PIBF1: variants seen among roughly 807,000 people sequenced by gnomAD.
PIBF1 encodes progesterone immunomodulatory binding factor 1.
A neutral mutation model predicts 112.5 loss-of-function variants in PIBF1; 90 were observed. The ratio of observed to expected loss-of-function variants is 0.80; its 90% CI spans 0.67 to 0.95. PIBF1 has a LOEUF of 0.95. Among genes scored for constraint, PIBF1 ranks in the 40% least tolerant of loss-of-function variants. PIBF1 has a pLI of 0.00. For synonymous variants in PIBF1, 301 were observed against 288.6 expected, an observed-to-expected ratio of 1.04 and a Z score of -0.44; for missense variants, 915 against 852.3, an observed-to-expected ratio of 1.07 and a Z score of -0.92.
intron 16 of PIBF1, among the ~76,000 whole-genome samples, chr13:72,982,371 G>A (rs979773220): frequency 6.6e-6 from 1 of 152,102 alleles, no homozygotes; most frequent in Non-Finnish European, 1.5e-5. Flanking sequence ...GAGAGGTTGA[G>A]GCTGCAGTGA....
chr13:72,834,427 C>A (rs1029829558), intron 8 of PIBF1, among the ~76,000 whole-genome samples: 1 of 152,038 alleles, frequency 6.6e-6, no homozygotes, highest in Non-Finnish European at 1.5e-5. Context: ...AAGTTTGAGA[C>A]CAGCCTGGGC....
chr13:72,784,275 T>TC (rs2034469242), intron 2 of PIBF1, among the ~76,000 whole-genome samples: 2 of 123,972 alleles, frequency 1.6e-5, no homozygotes, highest in African/African-American at 6.2e-5. Context: ...CAGCTCTACT[T>TC]AAAAAAAAAA....
chr13:72,825,138 A>C (rs1160325582), intron 6 of PIBF1, among the ~76,000 whole-genome samples: 1 of 152,240 alleles, frequency 6.6e-6, no homozygotes, highest in Non-Finnish European at 1.5e-5. Context: ...TGATGATAAT[A>C]GATCCTTGGA....
chr13:72,853,920 A>C, intron 9 of PIBF1, 137 bp from the exon 10 acceptor site: 1 of 622,890 alleles, frequency 1.6e-6, no homozygotes, highest in East Asian at 2.8e-5. Flanking sequence ...AACCAAGCCA[A>C]GCAGGTTTAT....
At chr13:72,809,758 T>G (rs771450781) in intron 5 of PIBF1, among the ~76,000 whole-genome samples, 1 of 151,806 alleles carries the variant, frequency 6.6e-6, no homozygotes, top group Non-Finnish European at 1.5e-5. Flanking sequence ...CCTGGCTAAT[T>G]TTTGTATTTT....
chr13:72,820,745 A>T (rs2036520278), intron 5 of PIBF1, among the ~76,000 whole-genome samples: 2 of 152,282 alleles, frequency 1.3e-5, no homozygotes, highest in East Asian at 3.9e-4. Context: ...CTTAAGCAGT[A>T]ATGACTTAAC....
At chr13:72,816,270 G>A (rs1377853789) in intron 5 of PIBF1, among the ~76,000 whole-genome samples, 1 of 152,214 alleles carries the variant, frequency 6.6e-6, no homozygotes, top group African/African-American at 2.4e-5. Flanking sequence ...AGAGCAAAAA[G>A]TAGGAGAGAC....
intron 15 of PIBF1, chr13:72,970,500 T>G (rs771318467): frequency 7.2e-5 from 11 of 152,198 alleles, no homozygotes; most frequent in Non-Finnish European, 2.9e-5. Context: ...TCCCAGAGTG[T>G]ATTGATCCAG....
intron 9 of PIBF1, chr13:72,836,212 A>G (rs1176733156): frequency 1.1e-5 from 4 of 380,038 alleles, no homozygotes; most frequent in Non-Finnish European, 2.1e-5. Flanking sequence ...AATAAATACT[A>G]TTTATTTCAA....
In PIBF1 at chr13:72,812,784, C is replaced by CA. The variant is rs907435967; in HGVS notation, c.673-9055dup. On this transcript the variant is annotated intron_variant, in intron 5 of 17. Transcript: ENST00000326291. The stretch of plus-strand genomic sequence containing the variant: ...AATGAGACCCTGTCTCAAAAAACTA[C>CA]AAAAAAAAAACCCCAAAACAAAAAC... Among the ~76,000 whole-genome samples, 1,378 of 144,248 alleles carry CA rather than the reference C, an allele frequency of 9.6e-3. 21 individuals carry two copies. The highest frequency in any genetic ancestry group is 0.03 in the African/African-American group (1,199 of 39,332). 94.6% of individuals were successfully genotyped at this position (144,248 alleles called of 152,430 possible).
At chr13:72,816,128 G>A (rs1399332577) in intron 5 of PIBF1, among the ~76,000 whole-genome samples, 3 of 152,242 alleles carry the variant, frequency 2.0e-5, no homozygotes, top group Non-Finnish European at 4.4e-5. Context: ...ATTAGCTAGT[G>A]GGTGATGTCT....
At chr13:72,916,128 C>G (rs1206400229) in intron 12 of PIBF1, among the ~76,000 whole-genome samples, 1 of 151,854 alleles carries the variant, frequency 6.6e-6, no homozygotes, top group Non-Finnish European at 1.5e-5. Context: ...GTGGCTCACA[C>G]GTGTAATCCC....
At chr13:72,987,858 A>ATTTATTTATTTATTTT (rs1345167411) in intron 16 of PIBF1, among the ~76,000 whole-genome samples, 5 of 58,134 alleles carry the variant, frequency 8.6e-5, no homozygotes, top group African/African-American at 4.7e-4. Flanking sequence ...TTATTTATTT[A>ATTTATTTATTTATTTT]TTTTTTTTTT....
chr13:72,948,759 A>G (rs577651402), intron 14 of PIBF1, among the ~76,000 whole-genome samples: 85 of 152,338 alleles, frequency 5.6e-4, no homozygotes, highest in African/African-American at 1.9e-3. Flanking sequence ...GGGTAAGCAA[A>G]CAACATGTCT....
At chr13:72,786,961 A>G (rs1358778401) in intron 2 of PIBF1, among the ~76,000 whole-genome samples, 1 of 152,232 alleles carries the variant, frequency 6.6e-6, no homozygotes, top group Non-Finnish European at 1.5e-5. Context: ...TTCCAGTTGA[A>G]TTGTTAAGTG....
chr13:72,917,182 ATTTAT>A lies in PIBF1; in HGVS notation c.1730+24_1730+28del, dbSNP rs756387622. 9 of 1,409,830 alleles carry A rather than the reference ATTTAT, an allele frequency of 6.4e-6. No homozygotes were observed. The South Asian group carries it at 1.1e-4, about 17-fold the overall frequency. The allele number at this position is 1,409,830 out of a possible 1,614,324, so 87.3% of individuals were successfully genotyped here. Reference sequence around the variant, plus strand: ...TAAAGCAAAGGTAAAATCAATATATATTTATTTTATTTATCTACTCAAGATGAATG... The same window carrying A: ...TAAAGCAAAGGTAAAATCAATATATATTTATTTATCTACTCAAGATGAATG... On this transcript the variant is annotated intron_variant, in intron 13 of 17. Coordinates refer to ENST00000326291, the MANE Select transcript of PIBF1 (RefSeq NM_006346.4).
At chr13:72,898,486 AAAG>A (rs1356760914) in intron 11 of PIBF1, among the ~76,000 whole-genome samples, 18 of 152,022 alleles carry the variant, frequency 1.2e-4, no homozygotes, top group Non-Finnish European at 2.5e-4. Flanking sequence ...ATTTGAACAA[AAAG>A]AAATACACAA....
chr13:72,783,803 A>T (rs916963935), intron 2 of PIBF1, 82 bp downstream of exon 2: 19 of 1,194,600 alleles, frequency 1.6e-5, no homozygotes, highest in Non-Finnish European at 2.2e-5. Context: ...TACACACATT[A>T]TCTGAACTTG....
At chr13:72,847,861 A>G (rs1322638209) in intron 9 of PIBF1, among the ~76,000 whole-genome samples, 1 of 152,254 alleles carries the variant, frequency 6.6e-6, no homozygotes, top group Admixed American at 6.5e-5. Context: ...TTAAAAACAA[A>G]GGCATCAGAT....
Sources: gnomAD v4.1 joint callset for allele counts (sites outside exome capture counted in the v4.1 genomes callset) on GRCh38, gnomAD v4.1.1 for gene constraint, MANE v1.5 for transcripts, NCBI Gene and HGNC (gene_info 2026-07-23, HGNC 2026-07-21) for gene names.